Variants in PROM1 observed in about 807,000 individuals in gnomAD.
PROM1 encodes prominin 1.
In PROM1, 105 loss-of-function variants were observed where a neutral mutation model predicts 116.9. The observed-to-expected ratio is 0.90, with a 90% CI of 0.77 to 1.06. The LOEUF (loss-of-function observed/expected upper bound fraction) is 1.06. Ranked by LOEUF, PROM1 falls within the 50% of genes least tolerant of loss-of-function variation. The pLI is 0.00. For missense variants in PROM1, 1,122 were observed against 1,045.2 expected (o/e 1.07, Z -1.01); for synonymous variants, 393 against 387.0 (o/e 1.02, Z -0.18).
At chr4:15,996,828 C>T (rs1376018957) in intron 15 of PROM1, among the ~76,000 whole-genome samples, 1 of 152,092 alleles carries the variant, frequency 6.6e-6, no homozygotes, top group Non-Finnish European at 1.5e-5. Flanking sequence ...ATAATAAGAA[C>T]ACTAAGAATG....
intron 5 of PROM1, among the ~76,000 whole-genome samples, chr4:16,032,936 G>A (rs546324842): frequency 6.6e-6 from 1 of 152,194 alleles, no homozygotes; most frequent in South Asian, 2.1e-4. Flanking sequence ...TCAACTTGCA[G>A]ATCCATCTCT....
intron 22 of PROM1, 24 bp downstream of exon 22, chr4:15,985,736 A>G (rs1248979907): frequency 6.8e-7 from 1 of 1,479,776 alleles, no homozygotes; most frequent in South Asian, 1.2e-5. Context: ...CCCCCTTAAC[A>G]TTCATAAAAG....
intron 5 of PROM1, among the ~76,000 whole-genome samples, chr4:16,028,807 T>C (rs1004741477): frequency 1.3e-5 from 2 of 152,224 alleles, no homozygotes; most frequent in East Asian, 1.9e-4. Flanking sequence ...CTAAAACATA[T>C]GCTTTTAAGC....
At chr4:15,977,789 A>G (rs905171688) in intron 26 of PROM1, among the ~76,000 whole-genome samples, 5 of 152,076 alleles carry the variant, frequency 3.3e-5, no homozygotes, top group Non-Finnish European at 5.9e-5. Flanking sequence ...TAGTAGAGAC[A>G]AGGTTTCACC....
At chr4:16,028,850 A>T (rs1560523844) in intron 5 of PROM1, among the ~76,000 whole-genome samples, 1 of 152,234 alleles carries the variant, frequency 6.6e-6, no homozygotes, top group Non-Finnish European at 1.5e-5. Context: ...TTTTTAGCAG[A>T]AGATAGGAAT....
chr4:16,070,687 T>C (rs1387872453), intron 2 of PROM1, among the ~76,000 whole-genome samples: 1 of 152,212 alleles, frequency 6.6e-6, no homozygotes, highest in Non-Finnish European at 1.5e-5. Flanking sequence ...CAGATGTAGA[T>C]ATTTTTGCAG....
intron 26 of PROM1, among the ~76,000 whole-genome samples, chr4:15,972,840 G>A (rs1373436597): frequency 6.6e-6 from 1 of 152,160 alleles, no homozygotes; most frequent in African/African-American, 2.4e-5. Context: ...CAGTACTTTT[G>A]AGTCAGTCTG....
chr4:16,054,255 G>C (rs945936096), intron 2 of PROM1, among the ~76,000 whole-genome samples: 1 of 151,892 alleles, frequency 6.6e-6, no homozygotes, highest in Admixed American at 6.6e-5. Context: ...TCTATACAGC[G>C]CTATCAAGTT....
chr4:16,024,858 A>G (rs1517600), intron 6 of PROM1, among the ~76,000 whole-genome samples: 87,188 of 151,996 alleles, frequency 0.57, 26,474 homozygotes, highest in Non-Finnish European at 0.69. Context: ...AGTTAACTAT[A>G]CTGCCAAAAA....
At chr4:15,969,508 A>G (rs1306545677) in intron 27 of PROM1, 140 bp from the exon 28 acceptor site, 2 of 152,234 alleles carry the variant, frequency 1.3e-5, no homozygotes, top group Non-Finnish European at 2.9e-5. Context: ...AGGCACAGCA[A>G]TATGTTTGTT....
At chr4:16,082,601 A>C (rs1324408729) in intron 1 of PROM1, 1 of 152,336 alleles carries the variant, frequency 6.6e-6, no homozygotes, top group Non-Finnish European at 1.5e-5. Flanking sequence ...TGCGGGACAC[A>C]AAAGAATGAG....
Position 16,039,010 on chromosome 4 carries a change from A to G in PROM1, c.221-9T>C, listed in dbSNP as rs1172353793. ...GAATTTTCTCAAAGTATCTGGAAAA[A>G]AAGCCACAAAATAGCAATATTATTT... On this transcript the variant is annotated splice_polypyrimidine_tract_variant and intron_variant, in intron 2 of 27. Transcript: ENST00000447510. The G allele has an allele frequency of 6.7e-6, 10 of 1,489,580 alleles. No homozygotes were observed. Among genetic ancestry groups the G allele is most frequent in the Non-Finnish European group, 8.9e-6 (10 of 1,118,968 alleles). The allele number at this position is 1,489,580 out of a possible 1,614,324, so 92.3% of individuals were successfully genotyped here. A position where few individuals can be genotyped will look rare whatever the true frequency, so the allele number is the denominator to read the frequency against.
chr4:16,005,702 A>C (rs1488914573), intron 13 of PROM1, among the ~76,000 whole-genome samples: 1 of 152,148 alleles, frequency 6.6e-6, no homozygotes, highest in Non-Finnish European at 1.5e-5. Flanking sequence ...CCCCAAAGGA[A>C]TTGTTTCAAA....
intron 5 of PROM1, 98 bp downstream of exon 5, chr4:16,033,206 A>T: frequency 1.9e-6 from 2 of 1,066,410 alleles, no homozygotes; most frequent in South Asian, 2.0e-5. Flanking sequence ...CATTGTTGCT[A>T]TTTTGTTTAG....
At position 15,989,403 on chromosome 4, in the gene PROM1, G is replaced by A. The variant is rs75669422; in HGVS notation, c.2076+329C>T. Among the ~76,000 whole-genome samples, 1,056 of 152,230 alleles carry A rather than the reference G, an allele frequency of 6.9e-3. 8 individuals carry two copies. The highest frequency in any genetic ancestry group is 0.024 in the African/African-American group (978 of 41,528). ...CTTCACATATTTCTAGACAAAGCTC[G>A]GAGAAAAAGAATCAAGTGAGTCCAC... On this transcript the variant is annotated intron_variant, in intron 19 of 27. Coordinates refer to ENST00000447510, the MANE Select transcript of PROM1 (RefSeq NM_006017.3).
At chr4:16,033,542 G>T in intron 4 of PROM1, 33 bp from the exon 5 acceptor site, 2 of 1,219,426 alleles carry the variant, frequency 1.6e-6, no homozygotes, top group Non-Finnish European at 2.3e-6. Context: ...AGCACATATT[G>T]TAGCACAAAA....
rs552493891 is a variant in PROM1, at chr4:15,996,039, T to A, written c.1683-1968A>T. Among the ~76,000 whole-genome samples the A allele has an allele frequency of 3.3e-5, 5 of 152,270 alleles. No individual in the cohort carries two copies. In the South Asian group the frequency reaches 1.0e-3, roughly 32 times the overall value. On this transcript the variant is annotated intron_variant, in intron 15 of 27. Coordinates refer to ENST00000447510, the MANE Select transcript of PROM1 (RefSeq NM_006017.3). Reference sequence around the variant, plus strand: ...TTTACAACAGGTGCTCATAAAATAATAAAAGTAGTTAGTATGGTACCTAGC... The same window carrying A: ...TTTACAACAGGTGCTCATAAAATAAAAAAAGTAGTTAGTATGGTACCTAGC...
At position 16,023,393 on chromosome 4, in the gene PROM1, G is replaced by A. The variant is rs763697898; in HGVS notation, c.717C>T (p.Gly239=). 2.7e-4 allele frequency: 439 copies of A among 1,603,894 alleles called. 1 individual carries two copies. Among genetic ancestry groups the A allele is most frequent in the Non-Finnish European group, 3.7e-4 (431 of 1,174,612 alleles). Residue 239 remains glycine (G), a synonymous_variant, in exon 8 of 28, where the codon GGC becomes GGT. Coordinates refer to ENST00000447510, the MANE Select transcript of PROM1 (RefSeq NM_006017.3). The part of the protein sequence containing the change: ...DLNSINSVLG[G]GILDRLRPNI... The stretch of plus-strand genomic sequence containing the variant: ...TGGGTCTCAGTCGGTCAAGAATTCC[G>A]CCTCCTAGCACTGAATTGATACCTA...
At position 15,978,043 on chromosome 4, in the gene PROM1, A is replaced by G. The variant is rs536630901; in HGVS notation, c.2582+1352T>C. Among the ~76,000 whole-genome samples the G allele has an allele frequency of 2.5e-4, 38 of 152,272 alleles. 2 individuals are homozygous for G. In the South Asian group the frequency reaches 7.5e-3, roughly 30 times the overall value. On this transcript the variant is annotated intron_variant, in intron 26 of 27. Transcript: ENST00000447510. ...TCATTAGTCTCTCATTAACGCCCTTAGAGAATAGACCCCAAGGAGCCAGCT... is the reference window on the plus strand; with the variant it reads ...TCATTAGTCTCTCATTAACGCCCTTGGAGAATAGACCCCAAGGAGCCAGCT...
Sources: allele counts gnomAD v4.1 joint callset (sites outside exome capture counted in the v4.1 genomes callset), GRCh38; gene constraint gnomAD v4.1.1; transcripts MANE v1.5; gene names NCBI Gene and HGNC (gene_info 2026-07-23, HGNC 2026-07-21).